Variants in CHPT1 observed in about 807,000 individuals in gnomAD.
The protein encoded by CHPT1 is choline phosphotransferase 1.
In CHPT1, 36 loss-of-function variants were observed where a neutral mutation model predicts 47.6. The observed-to-expected ratio is 0.76, with a 90% confidence interval of 0.58 to 1.00. The LOEUF (loss-of-function observed/expected upper bound fraction) is 1.00, where lower values mean the gene tolerates loss of function less well. Ranked by LOEUF, CHPT1 falls within the 50% of genes least tolerant of loss-of-function variation. The pLI, the probability that CHPT1 is intolerant of heterozygous loss-of-function variation, is 0.00. For missense variants in CHPT1, 458 were observed against 498.1 expected (o/e 0.92, Z 0.77); for synonymous variants, 194 against 186.3 (o/e 1.04, Z -0.33).
intron 3 of CHPT1, among the ~76,000 whole-genome samples, chr12:101,715,799 A>G (rs952637631): frequency 6.6e-6 from 1 of 152,208 alleles, no homozygotes; most frequent in Non-Finnish European, 1.5e-5. Context: ...GAGGCAGTCT[A>G]GGAAGGAGCG....
intron 4 of CHPT1, 145 bp from the exon 5 acceptor site, chr12:101,719,978 A>C: frequency 4.2e-6 from 2 of 477,552 alleles, no homozygotes; most frequent in Non-Finnish European, 3.4e-6. Flanking sequence ...TTAAGTTATC[A>C]CTTTGGATTA....
chr12:101,706,663 CT>C (rs1259090947), intron 1 of CHPT1, among the ~76,000 whole-genome samples: 1 of 152,130 alleles, frequency 6.6e-6, no homozygotes, highest in Non-Finnish European at 1.5e-5. Context: ...CCAAATAAGT[CT>C]TTTCTTTATA....
At chr12:101,718,664 TAA>T (rs869226936) in intron 4 of CHPT1, among the ~76,000 whole-genome samples, 72 of 128,802 alleles carry the variant, frequency 5.6e-4, no homozygotes, top group Admixed American at 1.0e-3. Context: ...ACCCCATCTT[TAA>T]AAAAAAAAAA....
At chr12:101,707,325 T>G (rs1331035195) in intron 1 of CHPT1, among the ~76,000 whole-genome samples, 1 of 152,092 alleles carries the variant, frequency 6.6e-6, no homozygotes, top group African/African-American at 2.4e-5. Flanking sequence ...GGTGGGTGAT[T>G]GAGAGTTATG....
chr12:101,728,917 C>CAA lies in CHPT1; in HGVS notation c.1195_1196dup (p.Ser400ArgfsTer36), dbSNP rs1307648036. 7 of 1,613,306 alleles carry CAA rather than the reference C, an allele frequency of 4.3e-6. No homozygotes were observed. The highest frequency in any genetic ancestry group is 5.9e-6 in the Non-Finnish European group (7 of 1,179,666). ...ATTACTTAGGTTCAAGTTCTTTCTT[C>CAA]AAAGAGTCATCAGAATAACATGGAT... On this transcript the variant is annotated frameshift_variant, in exon 9 of 9. Coordinates refer to ENST00000229266, the MANE Select transcript of CHPT1 (RefSeq NM_020244.3). LOFTEE classifies it high-confidence loss of function.
chr12:101,715,395 G>A (rs1180065041), intron 3 of CHPT1, among the ~76,000 whole-genome samples: 4 of 152,148 alleles, frequency 2.6e-5, no homozygotes, highest in African/African-American at 9.7e-5. Flanking sequence ...AATGATAAAT[G>A]ATAGGAGAAG....
chr12:101,719,637 GCTA>G lies in CHPT1; in HGVS notation c.649-483_649-481del, dbSNP rs1951817046. The G allele has an allele frequency of 5.6e-6, 3 of 536,592 alleles. No individual in the cohort carries two copies. In the South Asian group the frequency reaches 6.0e-5, roughly 11 times the overall value. 33.2% of individuals were successfully genotyped at this position (536,592 alleles called of 1,614,324 possible). A position where few individuals can be genotyped will look rare whatever the true frequency, so the allele number is the denominator to read the frequency against. ...TCATGGTGTCTCCCTTTCCTGTGAT[GCTA>G]CTTTTTAGAAGCTACTAAATTCAAA... is the stretch of plus-strand genomic sequence containing the variant. On this transcript the variant is annotated intron_variant, in intron 4 of 8. Coordinates refer to ENST00000229266, the MANE Select transcript of CHPT1 (RefSeq NM_020244.3).
chr12:101,716,580 A>G (rs1951766593), intron 3 of CHPT1, 148 bp from the exon 4 acceptor site: 6 of 538,302 alleles, frequency 1.1e-5, no homozygotes, highest in African/African-American at 7.7e-5. Context: ...CAGTGTAGTC[A>G]ACTGATAATT....
chr12:101,713,164 C>T (rs1203002774), intron 1 of CHPT1, among the ~76,000 whole-genome samples: 1 of 148,330 alleles, frequency 6.7e-6, no homozygotes, highest in African/African-American at 2.4e-5. Flanking sequence ...GAACTTTACC[C>T]AATGCCCCAA....
In CHPT1 at chr12:101,723,743, G is replaced by T; in HGVS notation, c.961G>T (p.Glu321Ter). The T allele has an allele frequency of 6.3e-7, 1 of 1,575,612 alleles. No homozygotes were observed. Among genetic ancestry groups the T allele is most frequent in the South Asian group, 1.2e-5 (1 of 85,454 alleles). The change falls in exon 7 of 9, where the codon GAA becomes TAA. Residue 321 changes from glutamate to a stop codon, truncating the protein, a stop_gained. Transcript: ENST00000229266. LOFTEE classifies it high-confidence loss of function. ...ATAGGTAGCTCACATGACCAAAAGT[G>T]AACTATATCTTCAAGACACTGTCTT... ...KLVVAHMTKSELYLQDTVFLG... is the reference protein window; with the variant it reads ...KLVVAHMTKS
chr12:101,710,463 C>A (rs1395526876), intron 1 of CHPT1, among the ~76,000 whole-genome samples: 1 of 149,040 alleles, frequency 6.7e-6, no homozygotes, highest in Non-Finnish European at 1.5e-5. Context: ...TAGTCACTGA[C>A]TCCAGTAAAC....
At chr12:101,702,909 C>G (rs1223749986) in intron 1 of CHPT1, among the ~76,000 whole-genome samples, 1 of 152,106 alleles carries the variant, frequency 6.6e-6, no homozygotes, top group African/African-American at 2.4e-5. Flanking sequence ...ATGAATGTCT[C>G]CTTAACTTCT....
chr12:101,723,687 T>TAATAG, intron 6 of CHPT1, 35 bp from the exon 7 acceptor site: 1 of 1,280,950 alleles, frequency 7.8e-7, no homozygotes, highest in Non-Finnish European at 1.1e-6. Flanking sequence ...ATTTAAAACT[T>TAATAG]AATAGTAAAA....
At chr12:101,704,196 G>GT (rs200447207) in intron 1 of CHPT1, among the ~76,000 whole-genome samples, 13 of 150,844 alleles carry the variant, frequency 8.6e-5, no homozygotes, top group African/African-American at 1.9e-4. Context: ...TTTTGTTTTT[G>GT]TTTTTTTTCA....
intron 5 of CHPT1, among the ~76,000 whole-genome samples, chr12:101,721,287 C>CA (rs545113449): frequency 1.1e-3 from 148 of 139,768 alleles, no homozygotes; most frequent in South Asian, 2.0e-3. Context: ...GACTCTGTTT[C>CA]AAAAAAAAAA....
At position 101,728,948 on chromosome 12, in the gene CHPT1, A is replaced by T. The variant is rs1952056376; in HGVS notation, c.*3A>T. The T allele has an allele frequency of 6.2e-7, 1 of 1,613,462 alleles. No homozygotes were observed. Among genetic ancestry groups the T allele is most frequent in the African/African-American group, 1.3e-5 (1 of 74,912 alleles). ...GTCATCAGAATAACATGGATTGAAG[A>T]GACTTCCGAACACTTGCTATCTCTT... On this transcript the variant is annotated 3_prime_UTR_variant, in exon 9 of 9. Transcript: ENST00000229266.
chr12:101,723,657 T>C, intron 6 of CHPT1, 65 bp from the exon 7 acceptor site: 1 of 999,066 alleles, frequency 1.0e-6, no homozygotes. Flanking sequence ...TATAATTAAT[T>C]CTGTCGTAAA....
At chr12:101,709,446 T>G (rs973519695) in intron 1 of CHPT1, among the ~76,000 whole-genome samples, 1 of 142,670 alleles carries the variant, frequency 7.0e-6, no homozygotes, top group African/African-American at 2.6e-5. Context: ...TGGAAAGGGA[T>G]ACCTGGAAGG....
At chr12:101,727,834 A>AAGT (rs1277614035) in intron 8 of CHPT1, 1 of 152,224 alleles carries the variant, frequency 6.6e-6, no homozygotes, top group African/African-American at 2.4e-5. Flanking sequence ...CTTCCTGTAC[A>AAGT]AGTAGGTTGT....
Sources: gnomAD v4.1 joint callset for allele counts (sites outside exome capture counted in the v4.1 genomes callset) on GRCh38, gnomAD v4.1.1 for gene constraint, MANE v1.5 for transcripts, NCBI Gene and HGNC (gene_info 2026-07-23, HGNC 2026-07-21) for gene names.